HGSNAT: variants seen among roughly 807,000 people sequenced by gnomAD.
HGSNAT encodes the protein heparan-alpha-glucosaminide N-acetyltransferase.
In HGSNAT, 59 loss-of-function variants were observed where a neutral mutation model predicts 85.2. That is an observed-to-expected ratio of 0.69 (90% CI 0.56 to 0.86). The LOEUF is 0.86. HGSNAT is among the 40% of genes least tolerant of loss of function. HGSNAT has a pLI of 0.00. For missense variants in HGSNAT, 756 were observed against 777.1 expected, an observed-to-expected ratio of 0.97 and a Z score of 0.32; for synonymous variants, 321 against 304.5, an observed-to-expected ratio of 1.05 and a Z score of -0.56.
At chr8:43,149,884 A>T (rs1193688152) in intron 2 of HGSNAT, among the ~76,000 whole-genome samples, 1 of 152,128 alleles carries the variant, frequency 6.6e-6, no homozygotes, top group Non-Finnish European at 1.5e-5. Context: ...ATCAGTTACT[A>T]GCTGAGTTGA....
chr8:43,147,588 T>C (rs1204671562), intron 2 of HGSNAT, among the ~76,000 whole-genome samples: 1 of 152,244 alleles, frequency 6.6e-6, no homozygotes, highest in African/African-American at 2.4e-5. Context: ...AATGAAATCA[T>C]GTCCTTTGCA....
chr8:43,187,704 T>C (rs1804367857), intron 11 of HGSNAT, among the ~76,000 whole-genome samples: 1 of 152,234 alleles, frequency 6.6e-6, no homozygotes, highest in African/African-American at 2.4e-5. Context: ...GCTGGTTATT[T>C]TGCACTTTAG....
intron 11 of HGSNAT, among the ~76,000 whole-genome samples, chr8:43,187,160 G>GCT: frequency 6.6e-6 from 1 of 152,310 alleles, no homozygotes; most frequent in South Asian, 2.1e-4. Context: ...TATCAGGTCT[G>GCT]TGTGGTGCAG....
chr8:43,187,543 C>T (rs573788295), intron 11 of HGSNAT, among the ~76,000 whole-genome samples: 205 of 152,284 alleles, frequency 1.3e-3, no homozygotes, highest in African/African-American at 4.7e-3. Flanking sequence ...TGTCTTTGCA[C>T]GTGAGATGGG....
intron 2 of HGSNAT, among the ~76,000 whole-genome samples, chr8:43,156,085 CAG>C (rs1803085647): frequency 2.0e-5 from 3 of 152,224 alleles, no homozygotes; most frequent in African/African-American, 7.2e-5. Context: ...GGTGATCTGC[CAG>C]CCTCGGCCTC....
At chr8:43,156,321 T>C (rs966089320) in intron 2 of HGSNAT, among the ~76,000 whole-genome samples, 3 of 152,200 alleles carry the variant, frequency 2.0e-5, no homozygotes, top group Non-Finnish European at 4.4e-5. Context: ...TTTTTTCTTT[T>C]CTGAGACAGA....
intron 15 of HGSNAT, 180 bp downstream of exon 15, chr8:43,197,205 T>C (rs1007012155): frequency 5.0e-6 from 3 of 605,368 alleles, no homozygotes; most frequent in Admixed American, 5.7e-5. Context: ...AGATTTATTT[T>C]CTTAGGAAAA....
chr8:43,199,420 G>T lies in HGSNAT; in HGVS notation c.1759G>T (p.Glu587Ter). ...TTCCATTCTGGTATATGTCGGCCAC[G>T]AGGTGTTTGAGAACTACTTCCCCTT... Reference protein sequence around the residue: ...MNSILVYVGHEVFENYFPFQW... With the variant: ...MNSILVYVGH Residue 587 changes from glutamate (E) to a stop codon, truncating the protein, a stop_gained, in exon 18 of 18, where the codon GAG (glutamate) becomes TAG (stop). Transcript: ENST00000379644. LOFTEE classifies it high-confidence loss of function. The T allele has an allele frequency of 6.2e-7, 1 of 1,607,226 alleles. No individual in the cohort carries two copies. The highest frequency in any genetic ancestry group is 8.5e-7 in the Non-Finnish European group (1 of 1,176,616).
rs1349359964 is a variant in HGSNAT, at chr8:43,202,821, A to G, written c.*3252A>G. 6 of 152,258 alleles carry G rather than the reference A, an allele frequency of 3.9e-5. No homozygotes were observed. Among genetic ancestry groups the G allele is most frequent in the Non-Finnish European group, 7.3e-5 (5 of 68,042 alleles). 9.4% of individuals were successfully genotyped at this position (152,258 alleles called of 1,614,324 possible). On this transcript the variant is annotated 3_prime_UTR_variant, in exon 18 of 18. Coordinates refer to ENST00000379644, the MANE Select transcript of HGSNAT (RefSeq NM_152419.3). ...TGTTTTCCAAATAAATGGGGGAGAC[A>G]AATGGACTTTGAGTAAATTTCTTAG...
chr8:43,174,217 A>C (rs1276207413), intron 9 of HGSNAT: 1 of 143,644 alleles, frequency 7.0e-6, no homozygotes, highest in African/African-American at 2.6e-5. Flanking sequence ...ACTTCATCTC[A>C]AAAAAAAAAA....
At chr8:43,191,198 C>T (rs1804514723) in intron 11 of HGSNAT, among the ~76,000 whole-genome samples, 1 of 152,184 alleles carries the variant, frequency 6.6e-6, no homozygotes, top group South Asian at 2.1e-4. Flanking sequence ...GAACAATGCT[C>T]CTATATGTAT....
chr8:43,142,616 G>A (rs1802586373), intron 1 of HGSNAT, among the ~76,000 whole-genome samples: 1 of 152,122 alleles, frequency 6.6e-6, no homozygotes, highest in South Asian at 2.1e-4. Flanking sequence ...CCCTTTGGGA[G>A]GTTCGTTGTT....
intron 7 of HGSNAT, among the ~76,000 whole-genome samples, chr8:43,170,990 G>C (rs180755193): frequency 8.9e-4 from 135 of 152,242 alleles, no homozygotes; most frequent in Admixed American, 1.6e-3. Context: ...GTTACTTGGG[G>C]CTGCAGACTG....
At chr8:43,190,508 G>A (rs1219037472) in intron 11 of HGSNAT, among the ~76,000 whole-genome samples, 4 of 152,118 alleles carry the variant, frequency 2.6e-5, no homozygotes, top group East Asian at 1.9e-4. Context: ...AAGGACAGGC[G>A]AGACGTGCCT....
intron 5 of HGSNAT, among the ~76,000 whole-genome samples, chr8:43,161,804 G>A (rs1223113085): frequency 6.6e-6 from 1 of 152,184 alleles, no homozygotes; most frequent in African/African-American, 2.4e-5. Context: ...ACTTTTTAAC[G>A]AGCAGAAGTG....
intron 6 of HGSNAT, among the ~76,000 whole-genome samples, chr8:43,169,685 TTA>T (rs1308534548): frequency 6.6e-6 from 1 of 152,236 alleles, no homozygotes; most frequent in Non-Finnish European, 1.5e-5. Context: ...CTAGATGCAC[TTA>T]CGACTAGTTT....
intron 11 of HGSNAT, chr8:43,182,536 CA>C (rs1036985229): frequency 1.1e-5 from 5 of 435,618 alleles, no homozygotes; most frequent in East Asian, 9.8e-5. Context: ...CTCAACATCC[CA>C]GGCTTAAGCG....
intron 11 of HGSNAT, among the ~76,000 whole-genome samples, chr8:43,189,257 C>T (rs1194394108): frequency 2.0e-5 from 3 of 152,206 alleles, no homozygotes; most frequent in African/African-American, 7.2e-5. Context: ...GCAGGCAGGC[C>T]TTCTTGAGCT....
chr8:43,161,017 G>C (rs4407924), intron 4 of HGSNAT, among the ~76,000 whole-genome samples: 150,163 of 152,320 alleles, frequency 0.99, 74,051 homozygotes, highest in East Asian at 1. Context: ...TGCCTTGTGT[G>C]AGGAGGCACA....
Sources: gnomAD v4.1 joint callset for allele counts (sites outside exome capture counted in the v4.1 genomes callset) on GRCh38, gnomAD v4.1.1 for gene constraint, MANE v1.5 for transcripts, NCBI Gene and HGNC (gene_info 2026-07-23, HGNC 2026-07-21) for gene names.